The following PCYOX1L variants were observed in gnomAD, a reference collection of about 807,000 sequenced individuals.
PCYOX1L encodes prenylcysteine oxidase 1-like.
A neutral mutation model predicts 44.1 loss-of-function variants in PCYOX1L; 40 were observed. The ratio of observed to expected loss-of-function variants is 0.91; its 90% CI spans 0.70 to 1.18. The LOEUF (loss-of-function observed/expected upper bound fraction) is 1.18, where lower values mean the gene tolerates loss of function less well. Ranked by LOEUF, PCYOX1L falls within the 50% of genes most tolerant of loss-of-function variation. The pLI is 0.00. For synonymous variants in PCYOX1L, 266 were observed against 282.8 expected, an observed-to-expected ratio of 0.94 and a Z score of 0.60; for missense variants, 605 against 653.3, an observed-to-expected ratio of 0.93 and a Z score of 0.81.
At position 149,368,335 on chromosome 5, in the gene PCYOX1L, A is replaced by T. The variant is rs1168857081; in HGVS notation, c.1166A>T (p.Gln389Leu). The stretch of plus-strand genomic sequence containing the variant: ...GCCAGCTTCCGGCGAAAGCAGCCCC[A>T]GGAGGCAGCTGTTTGGCGAGTCCAG... The part of the protein sequence containing the change: ...ISASFRRKQP[Q>L]EAAVWRVQSP... Residue 389 changes from glutamine to leucine, a missense_variant, in exon 6 of 6, where the codon CAG (glutamine) becomes CTG (leucine). Physicochemically the swap from Gln to Leu is moderately radical, Grantham distance 113 (BLOSUM62 -2). Transcript: ENST00000274569. 1 of 1,614,056 alleles carries T rather than the reference A, an allele frequency of 6.2e-7. No homozygotes were observed. The highest frequency in any genetic ancestry group is 1.7e-5 in the Admixed American group (1 of 60,002).
chr5:149,363,002 G>A (rs1240548452), intron 2 of PCYOX1L, 159 bp downstream of exon 2: 2 of 872,060 alleles, frequency 2.3e-6, no homozygotes, highest in East Asian at 2.6e-5. Context: ...GAAGGAACTT[G>A]CCTGAGGTTA....
Position 149,368,103 on chromosome 5 carries a change from A to T in PCYOX1L, c.934A>T (p.Asn312Tyr), listed in dbSNP as rs1296311373. 28 of 1,612,534 alleles carry T rather than the reference A, an allele frequency of 1.7e-5. No individual in the cohort carries two copies. The highest frequency in any genetic ancestry group is 2.4e-5 in the Non-Finnish European group (28 of 1,179,242). ...CCTGCACCTGGACAACAGCAGCAGC[A>T]ACTTAACCTTTGCAGGCTTCCACCC... ...TPLHLDNSSS[N>Y]LTFAGFHPPI... Residue 312 changes from asparagine (N) to tyrosine (Y), a missense_variant, in exon 6 of 6, where the codon AAC (asparagine) becomes TAC (tyrosine). Coordinates refer to ENST00000274569, the MANE Select transcript of PCYOX1L (RefSeq NM_024028.4).
Position 149,358,075 on chromosome 5 carries a change from C to G in PCYOX1L, c.7C>G (p.Arg3Gly). The change falls in exon 1 of 6, where the codon CGC becomes GGC. Residue 3 changes from arginine to glycine, a missense_variant. Arg to Gly is a moderately radical substitution (Grantham distance 125). Transcript: ENST00000274569. MARAAPLLAALTA... is the reference protein window; with the variant it reads MAGAAPLLAALTA... The stretch of plus-strand genomic sequence containing the variant: ...TGCCCGCTCGCCGCCCGCCATGGCC[C>G]GCGCAGCCCCGCTGCTCGCCGCGTT... 1 of 1,387,006 alleles carries G rather than the reference C, an allele frequency of 7.2e-7. No homozygotes were observed. 85.9% of individuals were successfully genotyped at this position (1,387,006 alleles called of 1,614,324 possible). A position where few individuals can be genotyped will look rare whatever the true frequency, so the allele number is the denominator to read the frequency against.
Position 149,366,032 on chromosome 5 carries a change from C to G in PCYOX1L, c.561C>G (p.Thr187=), listed in dbSNP as rs1159497759. 1.2e-6 allele frequency: 2 copies of G among 1,614,234 alleles called. No homozygotes were observed. The highest frequency in any genetic ancestry group is 1.7e-5 in the Admixed American group (1 of 60,024). Residue 187 remains threonine (T), a synonymous_variant, in exon 4 of 6, where the codon ACC becomes ACG. Transcript: ENST00000274569. ...SLGESTFVNM[T]QHSVAESLLQ... ...GGGAGTCCACCTTTGTTAACATGAC[C>G]CAGCACTCTGTGGCTGAGTCCCTGC...
In PCYOX1L at chr5:149,363,319, T is replaced by G; in HGVS notation, c.295+476T>G. The G allele has an allele frequency of 3.0e-5, 10 of 336,400 alleles. 1 individual carries two copies. Among genetic ancestry groups the G allele is most frequent in the South Asian group, 2.4e-4 (10 of 41,484 alleles). 20.8% of individuals were successfully genotyped at this position (336,400 alleles called of 1,614,324 possible). A position where few individuals can be genotyped will look rare whatever the true frequency, so the allele number is the denominator to read the frequency against. On this transcript the variant is annotated intron_variant, in intron 2 of 5. Transcript: ENST00000274569. ...AGCATCTGTCCAATACACGTTCTGTTTGATGCAGAAACTCTGCTTCTCAGA... is the reference window on the plus strand; with the variant it reads ...AGCATCTGTCCAATACACGTTCTGTGTGATGCAGAAACTCTGCTTCTCAGA...
rs1403639810 is a variant in PCYOX1L, at chr5:149,365,727, A to T, written c.471-215A>T. The T allele has an allele frequency of 5.0e-6, 3 of 594,472 alleles. No individual in the cohort carries two copies. The African/African-American group carries it at 5.6e-5, about 11-fold the overall frequency. The allele number at this position is 594,472 out of a possible 1,614,324, so 36.8% of individuals were successfully genotyped here. On this transcript the variant is annotated intron_variant, in intron 3 of 5. Transcript: ENST00000274569. ...ACAGCCGTGATGTGAAGCCAGGCCT[A>T]GAAGGATTCCATACCTTCACACTCC...
chr5:149,367,954 G>A (rs955935662), intron 5 of PCYOX1L, 39 bp from the exon 6 acceptor site: 1 of 1,519,648 alleles, frequency 6.6e-7, no homozygotes, highest in African/African-American at 1.4e-5. Flanking sequence ...GTGGGTAGAA[G>A]CCAAGGGAAA....
At position 149,367,507 on chromosome 5, in the gene PCYOX1L, A is replaced by G. The variant is rs754260788; in HGVS notation, c.823+7A>G. 1 of 1,612,544 alleles carries G rather than the reference A, an allele frequency of 6.2e-7. No individual in the cohort carries two copies. The highest frequency in any genetic ancestry group is 2.2e-5 in the East Asian group (1 of 44,788). On this transcript the variant is annotated splice_region_variant and intron_variant, in intron 5 of 5. Coordinates refer to ENST00000274569, the MANE Select transcript of PCYOX1L (RefSeq NM_024028.4). ...GTGACCCTGCACAGCACAGGTGAGTAGACAGGGCGGGAGTGGGCAGGCATG... is the reference window on the plus strand; with the variant it reads ...GTGACCCTGCACAGCACAGGTGAGTGGACAGGGCGGGAGTGGGCAGGCATG...
rs769662975 is a variant in PCYOX1L at position 149,362,696 on chromosome 5, G to T, written c.148G>T (p.Gly50Ter). ...GGCCCATTTTCTCCAGCAGCACTTT[G>T]GACCTCGGGTGCAGATCGACGTGTA... ...AVAHFLQQHFGPRVQIDVYEK... is the reference protein window; with the variant it reads ...AVAHFLQQHF The change falls in exon 2 of 6, where the codon GGA becomes TGA. Residue 50 changes from glycine to a stop codon, truncating the protein, a stop_gained. Coordinates refer to ENST00000274569, the MANE Select transcript of PCYOX1L (RefSeq NM_024028.4). LOFTEE classifies it high-confidence loss of function. 1.2e-6 allele frequency: 2 copies of T among 1,614,212 alleles called. No individual in the cohort carries two copies. Among genetic ancestry groups the T allele is most frequent in the East Asian group, 4.5e-5 (2 of 44,888 alleles).
intron 1 of PCYOX1L, chr5:149,362,050 G>T (rs1357494097): frequency 6.5e-6 from 1 of 154,672 alleles, no homozygotes; most frequent in African/African-American, 2.4e-5. Context: ...AATATTTTAG[G>T]CTTTTCAGGC....
intron 5 of PCYOX1L, 23 bp downstream of exon 5, chr5:149,367,523 G>T: frequency 6.2e-7 from 1 of 1,608,834 alleles, no homozygotes; most frequent in Non-Finnish European, 8.5e-7. Flanking sequence ...GGCGGGAGTG[G>T]GCAGGCATGC....
chr5:149,362,567 AGT>A (rs1758037214), intron 1 of PCYOX1L, 68 bp from the exon 2 acceptor site: 2 of 1,527,310 alleles, frequency 1.3e-6, no homozygotes, highest in Non-Finnish European at 1.8e-6. Context: ...GAGGATACAA[AGT>A]GTGAACTACA....
At chr5:149,358,917 A>G (rs900792817) in intron 1 of PCYOX1L, among the ~76,000 whole-genome samples, 3 of 152,372 alleles carry the variant, frequency 2.0e-5, no homozygotes, top group Non-Finnish European at 2.9e-5. Context: ...GCTGTGTCAC[A>G]TAACTATCAC....
chr5:149,361,460 C>T (rs953825398), intron 1 of PCYOX1L, among the ~76,000 whole-genome samples: 13 of 152,012 alleles, frequency 8.6e-5, no homozygotes, highest in African/African-American at 2.9e-4. Context: ...TCAGTGACTT[C>T]GATGAGAATA....
Position 149,369,026 on chromosome 5 carries a change from A to C in PCYOX1L, c.*372A>C, listed in dbSNP as rs1191441315. Reference sequence around the variant, plus strand: ...GAGTCTTATTTTATTACTGTTTTTCACTACCTACTCCCACAATGGACAATC... The same window carrying C: ...GAGTCTTATTTTATTACTGTTTTTCCCTACCTACTCCCACAATGGACAATC... On this transcript the variant is annotated 3_prime_UTR_variant, in exon 6 of 6. Coordinates refer to ENST00000274569, the MANE Select transcript of PCYOX1L (RefSeq NM_024028.4). 2 of 165,302 alleles carry C rather than the reference A, an allele frequency of 1.2e-5. No homozygotes were observed. Among genetic ancestry groups the C allele is most frequent in the African/African-American group, 4.8e-5 (2 of 42,042 alleles). The allele number at this position is 165,302 out of a possible 1,614,324, so 10.2% of individuals were successfully genotyped here.
intron 1 of PCYOX1L, among the ~76,000 whole-genome samples, chr5:149,359,238 C>T (rs1053641469): frequency 6.6e-6 from 1 of 152,216 alleles, no homozygotes; most frequent in Non-Finnish European, 1.5e-5. Flanking sequence ...GTGCCTGGAA[C>T]ATCTGATAGA....
Position 149,368,055 on chromosome 5 carries a change from G to A in PCYOX1L, c.886G>A (p.Asp296Asn). ...NEVGNSSDFY[D>N]IVVIATPLHL... Reference sequence around the variant, plus strand: ...GGTAGGCAACAGCTCTGACTTCTATGACATCGTGGTCATCGCCACCCCCCT... The same window carrying A: ...GGTAGGCAACAGCTCTGACTTCTATAACATCGTGGTCATCGCCACCCCCCT... Residue 296 changes from aspartate to asparagine, a missense_variant, in exon 6 of 6, where the codon GAC (aspartate) becomes AAC (asparagine). Transcript: ENST00000274569. 1 of 1,589,976 alleles carries A rather than the reference G, an allele frequency of 6.3e-7. No individual in the cohort carries two copies. The highest frequency in any genetic ancestry group is 8.6e-7 in the Non-Finnish European group (1 of 1,169,152).
Position 149,367,391 on chromosome 5 carries a change from C to G in PCYOX1L, c.714C>G (p.Ser238Arg), listed in dbSNP as rs1218042211. Residue 238 changes from serine (S) to arginine (R), a missense_variant, in exon 5 of 6, where the codon AGC (serine) becomes AGG (arginine). Coordinates refer to ENST00000274569, the MANE Select transcript of PCYOX1L (RefSeq NM_024028.4). ...GAMSLAGAQG[S>R]LWSVEGGNKL... Reference sequence around the variant, plus strand: ...TGTCACTAGCCGGGGCCCAAGGCAGCCTGTGGTCTGTGGAAGGAGGCAATA... The same window carrying G: ...TGTCACTAGCCGGGGCCCAAGGCAGGCTGTGGTCTGTGGAAGGAGGCAATA... The G allele has an allele frequency of 6.2e-7, 1 of 1,612,976 alleles. No homozygotes were observed. The highest frequency in any genetic ancestry group is 1.7e-5 in the Admixed American group (1 of 59,666).
intron 2 of PCYOX1L, chr5:149,363,385 T>C: frequency 3.4e-6 from 1 of 291,056 alleles, no homozygotes; most frequent in Admixed American, 4.5e-5. Context: ...CAAAGTAGCA[T>C]AGATACCAAG....
Sources: allele counts gnomAD v4.1 joint callset (sites outside exome capture counted in the v4.1 genomes callset), GRCh38; gene constraint gnomAD v4.1.1; transcripts MANE v1.5; gene names NCBI Gene and HGNC (gene_info 2026-07-23, HGNC 2026-07-21).